GINM1: variants seen among roughly 807,000 people sequenced by gnomAD.
GINM1 encodes the protein glycoprotein integral membrane protein 1.
Under a neutral mutation model 37.8 loss-of-function variants are expected in GINM1, and 29 were observed. That is an observed-to-expected ratio of 0.77 (90% CI 0.57 to 1.05). The LOEUF (loss-of-function observed/expected upper bound fraction) is 1.05, where lower values mean the gene tolerates loss of function less well. Among genes scored for constraint, GINM1 ranks in the 50% least tolerant of loss-of-function variants. GINM1 has a pLI of 0.00. For missense variants in GINM1, 377 were observed against 397.9 expected, an observed-to-expected ratio of 0.95 and a Z score of 0.45; for synonymous variants, 143 against 146.2, an observed-to-expected ratio of 0.98 and a Z score of 0.16.
At chr6:149,582,174 A>C (rs1307959344) in intron 6 of GINM1, 1 of 539,958 alleles carries the variant, frequency 1.9e-6, no homozygotes, top group Non-Finnish European at 3.6e-6. Flanking sequence ...AATATAAATA[A>C]TTTTACAGGC....
At chr6:149,583,054 C>CA (rs1778024380) in intron 7 of GINM1, among the ~76,000 whole-genome samples, 1 of 152,176 alleles carries the variant, frequency 6.6e-6, no homozygotes, top group African/African-American at 2.4e-5. Flanking sequence ...ATAGGCTGGG[C>CA]ACGGTGGCTC....
intron 3 of GINM1, among the ~76,000 whole-genome samples, chr6:149,574,491 C>T (rs73604793): frequency 6.6e-6 from 1 of 152,084 alleles, no homozygotes; most frequent in Non-Finnish European, 1.5e-5. Context: ...TTTTCTTCCC[C>T]CTTTGCCTTC....
chr6:149,590,728 G>T lies in GINM1; in HGVS notation c.883G>T (p.Gly295Ter). The change falls in exon 8 of 8, where the codon GGA becomes TGA. Residue 295 changes from glycine to a stop codon, truncating the protein, a stop_gained and splice_region_variant. Coordinates refer to ENST00000367419, the MANE Select transcript of GINM1 (RefSeq NM_138785.5). LOFTEE classifies it high-confidence loss of function. Reference protein sequence around the residue: ...KVFFPVSEYKGILQLDKVDVI... With the variant: ...KVFFPVSEYK ...GTAATTAATCACTTTCTATTTCAGA[G>T]GAATTCTTCAGTTGGATAAAGTGGA... is the stretch of plus-strand genomic sequence containing the variant. 1 of 1,463,770 alleles carries T rather than the reference G, an allele frequency of 6.8e-7. No individual in the cohort carries two copies. Among genetic ancestry groups the T allele is most frequent in the South Asian group, 1.2e-5 (1 of 85,790 alleles). 90.7% of individuals were successfully genotyped at this position (1,463,770 alleles called of 1,614,324 possible). A position where few individuals can be genotyped will look rare whatever the true frequency, so the allele number is the denominator to read the frequency against.
rs760917588 is a variant in GINM1 at position 149,582,532 on chromosome 6, G to C, written c.810G>C (p.Met270Ile). The change falls in exon 7 of 8, where the codon ATG (methionine) becomes ATC (isoleucine). Residue 270 changes from methionine to isoleucine, a missense_variant. By Grantham distance (10) the Met-to-Ile change is conservative. Transcript: ENST00000367419. ...FPVFFQFLNI[M>I]VVGITGAAVV... ...TATTCTTTCAGTTTTTGAACATCAT[G>C]GTGGTTGGAATTACAGGAGCAGCTG... 2.5e-6 allele frequency: 4 copies of C among 1,612,440 alleles called. No homozygotes were observed. The highest frequency in any genetic ancestry group is 1.1e-5 in the South Asian group (1 of 90,662).
intron 3 of GINM1, among the ~76,000 whole-genome samples, chr6:149,572,910 C>G (rs1255763173): frequency 6.6e-6 from 1 of 152,328 alleles, no homozygotes; most frequent in South Asian, 2.1e-4. Context: ...AAACCATCTA[C>G]CCTCCTCTGC....
rs747124651 is a variant in GINM1, at chr6:149,572,330, A to G, written c.166A>G (p.Ile56Val). The change falls in exon 2 of 8, where the codon ATA becomes GTA. Residue 56 changes from isoleucine to valine, a missense_variant. Transcript: ENST00000367419. ...AACTACACTGAAAGATGATGGGGAC[A>G]TATCTAAACAGCAGGTTTGTCTCCT... ...NVTTLKDDGD[I>V]SKQQVVLNIT... is the part of the protein sequence containing the mutation. 1.4e-4 allele frequency: 226 copies of G among 1,596,502 alleles called. No homozygotes were observed. The highest frequency in any genetic ancestry group is 1.9e-4 in the Non-Finnish European group (217 of 1,170,848).
At chr6:149,572,250 C>T (rs776976102) in intron 1 of GINM1, 35 bp from the exon 2 acceptor site, 17 of 1,343,944 alleles carry the variant, frequency 1.3e-5, no homozygotes, top group East Asian at 2.3e-5. Context: ...CTGTGAGATG[C>T]ACACCTTCCA....
At chr6:149,571,627 T>C (rs1037488287) in intron 1 of GINM1, among the ~76,000 whole-genome samples, 1 of 152,034 alleles carries the variant, frequency 6.6e-6, no homozygotes, top group African/African-American at 2.4e-5. Flanking sequence ...GGATTCCTTC[T>C]GGGGGGATAG....
chr6:149,581,203 C>T (rs1366927618), intron 6 of GINM1, among the ~76,000 whole-genome samples: 1 of 152,212 alleles, frequency 6.6e-6, no homozygotes, highest in African/African-American at 2.4e-5. Context: ...CACTCTGTCA[C>T]TTAGGCTGGA....
At chr6:149,579,238 C>G (rs987586150) in intron 4 of GINM1, among the ~76,000 whole-genome samples, 7 of 152,142 alleles carry the variant, frequency 4.6e-5, no homozygotes, top group Non-Finnish European at 1.0e-4. Context: ...TTCAATTTGG[C>G]TCATAGTTCT....
At chr6:149,572,678 T>G (rs548283340) in intron 3 of GINM1, 75 bp downstream of exon 3, 25 of 954,142 alleles carry the variant, frequency 2.6e-5, no homozygotes, top group East Asian at 2.2e-4. Context: ...GTTGTTTGTT[T>G]TTTGAGACAG....
intron 7 of GINM1, chr6:149,584,412 T>A (rs1778042523): frequency 6.6e-6 from 1 of 152,234 alleles, no homozygotes; most frequent in African/African-American, 2.4e-5. Context: ...TTTGAACATT[T>A]ACTTTTCCAC....
chr6:149,579,796 C>T, intron 4 of GINM1, 38 bp from the exon 5 acceptor site: 1 of 1,339,166 alleles, frequency 7.5e-7, no homozygotes, highest in South Asian at 1.4e-5. Flanking sequence ...GGCTGTGCTA[C>T]TATTTAAAAT....
intron 1 of GINM1, among the ~76,000 whole-genome samples, chr6:149,570,908 A>G (rs1777808480): frequency 6.6e-6 from 1 of 152,228 alleles, no homozygotes; most frequent in Non-Finnish European, 1.5e-5. Flanking sequence ...TTGCTTCTGT[A>G]TATAAAGCAT....
At position 149,584,230 on chromosome 6, in the gene GINM1, G is replaced by A. The variant is rs1480580254; in HGVS notation, c.881+1627G>A. On this transcript the variant is annotated intron_variant, in intron 7 of 7. Coordinates refer to ENST00000367419, the MANE Select transcript of GINM1 (RefSeq NM_138785.5). Reference sequence around the variant, plus strand: ...ACCTCAGGTGGATCAGGTGGATCACGTCTCGGCCTCCCAAAATGCTGGGAT... The same window carrying A: ...ACCTCAGGTGGATCAGGTGGATCACATCTCGGCCTCCCAAAATGCTGGGAT... 3.3e-5 allele frequency among the ~76,000 whole-genome samples: 5 copies of A among 152,174 alleles called. No homozygotes were observed. The East Asian group carries it at 5.8e-4, about 18-fold the overall frequency.
At chr6:149,582,676 G>C in intron 7 of GINM1, 73 bp downstream of exon 7, 1 of 1,084,830 alleles carries the variant, frequency 9.2e-7, no homozygotes, top group South Asian at 1.8e-5. Flanking sequence ...CTATGTTTTA[G>C]AATAGAAAAT....
intron 7 of GINM1, among the ~76,000 whole-genome samples, chr6:149,584,120 C>A (rs1778037808): frequency 6.6e-6 from 1 of 152,048 alleles, no homozygotes; most frequent in South Asian, 2.1e-4. Flanking sequence ...GGATTACAGG[C>A]ATGCGCCACC....
At chr6:149,585,744 C>G (rs2115062695) in intron 7 of GINM1, among the ~76,000 whole-genome samples, 1 of 152,226 alleles carries the variant, frequency 6.6e-6, no homozygotes, top group East Asian at 1.9e-4. Flanking sequence ...AGGCACCCAC[C>G]ACCACGCCCA....
intron 7 of GINM1, among the ~76,000 whole-genome samples, chr6:149,583,924 A>G (rs986039106): frequency 6.6e-6 from 1 of 152,086 alleles, no homozygotes; most frequent in Non-Finnish European, 1.5e-5. Context: ...TAAAATTTAA[A>G]ATGAATTATT....
Sources: gnomAD v4.1 joint callset for allele counts (sites outside exome capture counted in the v4.1 genomes callset) on GRCh38, gnomAD v4.1.1 for gene constraint, MANE v1.5 for transcripts, NCBI Gene and HGNC (gene_info 2026-07-23, HGNC 2026-07-21) for gene names.